DNAJB1: variants seen among roughly 807,000 people sequenced by gnomAD.
DNAJB1 encodes the protein DnaJ heat shock protein family (Hsp40) member B1, also known as dnaJ homolog subfamily B member 1.
A neutral mutation model predicts 24.0 loss-of-function variants in DNAJB1; 14 were observed. The observed-to-expected ratio is 0.58, with a 90% CI of 0.39 to 0.91. The LOEUF is 0.91. DNAJB1 is among the 40% of genes least tolerant of loss of function. The probability of loss-of-function intolerance (pLI) is 0.00; values close to 1 mark genes in which losing one functional copy is unlikely to be tolerated. For synonymous variants in DNAJB1, 262 were observed against 174.4 expected (o/e 1.50, Z -3.96); for missense variants, 517 against 458.1 (o/e 1.13, Z -1.17).
At chr19:14,522,358 G>A (rs1451826217), upstream of DNAJB1, among the ~76,000 whole-genome samples, 5 of 151,680 alleles carry the variant, frequency 3.3e-5, no homozygotes, top group East Asian at 1.9e-4. Context: ...GGTGGGTCAC[G>A]CCTGTAATCC....
At chr19:14,517,120 A>T in intron 1 of DNAJB1, 74 bp from the exon 2 acceptor site, 1 of 1,488,326 alleles carries the variant, frequency 6.7e-7, no homozygotes, top group Non-Finnish European at 9.0e-7. Context: ...ACAGGGGGAA[A>T]CAGCTTGGAA....
rs552655055 is a variant in DNAJB1 at position 14,557,132 on chromosome 19, T to A, written c.-2165-2814A>T. On this transcript the variant is annotated intron_variant, in intron 1 of 5. Coordinates refer to the DNAJB1 transcript ENST00000679223. ...GTCTAATCTTATTTATTTATTTATT[T>A]ATTTATTTATTTATTTATTTATTTT... Among the ~76,000 whole-genome samples the A allele has an allele frequency of 2.7e-3, 406 of 150,344 alleles. 4 individuals are homozygous for A. Among genetic ancestry groups the A allele is most frequent in the African/African-American group, 9.5e-3 (389 of 41,002 alleles).
At chr19:14,541,178 G>T (rs897380579) in intron 1 of DNAJB1, among the ~76,000 whole-genome samples, 5 of 151,954 alleles carry the variant, frequency 3.3e-5, no homozygotes, top group South Asian at 2.1e-4. Flanking sequence ...CAGTCTCACC[G>T]TGTTGCCCAG....
At chr19:14,535,355 A>C (rs1390218306) in intron 1 of DNAJB1, among the ~76,000 whole-genome samples, 1 of 150,192 alleles carries the variant, frequency 6.7e-6, no homozygotes, top group Non-Finnish European at 1.5e-5. Flanking sequence ...AAAAATAGAA[A>C]AAGTTAGCTG....
intron 1 of DNAJB1, among the ~76,000 whole-genome samples, chr19:14,542,347 G>GTTCTTTTT (rs2073125774): frequency 2.3e-5 from 1 of 43,282 alleles, no homozygotes; most frequent in Non-Finnish European, 4.4e-5. Flanking sequence ...ATGCCATAGT[G>GTTCTTTTT]TTTTTTTTTT....
At chr19:14,543,196 ACAC>A (rs2073160478) in intron 1 of DNAJB1, among the ~76,000 whole-genome samples, 1 of 148,086 alleles carries the variant, frequency 6.8e-6, no homozygotes, top group African/African-American at 2.5e-5. Context: ...GTTTCCCCAG[ACAC>A]CTCAAGTGTC....
At chr19:14,519,522 C>T (rs543161715), upstream of DNAJB1, among the ~76,000 whole-genome samples, 1 of 152,316 alleles carries the variant, frequency 6.6e-6, no homozygotes, top group South Asian at 2.1e-4. Flanking sequence ...GCGCATCTCC[C>T]AAGGTCCTCC....
chr19:14,537,164 G>A (rs1011361838), intron 1 of DNAJB1, among the ~76,000 whole-genome samples: 1 of 137,662 alleles, frequency 7.3e-6, no homozygotes, highest in Non-Finnish European at 1.6e-5. Context: ...GAAAGAAGAG[G>A]CGGGGCCGGG....
At position 14,518,361 on chromosome 19, in the gene DNAJB1, GCGGCCCGC is replaced by G; in HGVS notation, c.-20_-13del. ...TAGTCTTTACCCATGACCCCCTCCT[GCGGCCCGC>G]CGACCCGCTGTCGCCGTCCCCCGGC... On this transcript the variant is annotated 5_prime_UTR_variant, in exon 1 of 3. Coordinates refer to ENST00000254322, the MANE Select transcript of DNAJB1 (RefSeq NM_006145.3). 1 of 1,540,992 alleles carries G rather than the reference GCGGCCCGC, an allele frequency of 6.5e-7. No homozygotes were observed. The highest frequency in any genetic ancestry group is 2.3e-5 in the East Asian group (1 of 42,776).
At chr19:14,522,730 A>ACT (rs1568383693), upstream of DNAJB1, among the ~76,000 whole-genome samples, 65 of 141,732 alleles carry the variant, frequency 4.6e-4, 1 homozygote, top group Admixed American at 1.2e-3. Context: ...ACACACACAC[A>ACT]CTCCTACTGG....
upstream of DNAJB1, among the ~76,000 whole-genome samples, chr19:14,518,571 C>CG (rs1355903000): frequency 6.6e-6 from 1 of 151,892 alleles, no homozygotes; most frequent in African/African-American, 2.4e-5. Context: ...GCCGCCCGCG[C>CG]GGGGCCACGC....
At chr19:14,554,114 A>G (rs1364227089), upstream of DNAJB1, among the ~76,000 whole-genome samples, 3 of 152,144 alleles carry the variant, frequency 2.0e-5, no homozygotes, top group Non-Finnish European at 2.9e-5. Context: ...CTGGCTTTCA[A>G]CATGCACGCG....
At chr19:14,542,347 G>GTTTTTTTTTTT (rs71166754) in intron 1 of DNAJB1, among the ~76,000 whole-genome samples, 1,275 of 43,296 alleles carry the variant, frequency 0.029, 282 homozygotes, top group Non-Finnish European at 0.044. Flanking sequence ...ATGCCATAGT[G>GTTTTTTTTTTT]TTTTTTTTTT....
chr19:14,541,184 C>T (rs556867833), intron 1 of DNAJB1, among the ~76,000 whole-genome samples: 3 of 152,220 alleles, frequency 2.0e-5, no homozygotes, highest in Non-Finnish European at 4.4e-5. Context: ...CACCGTGTTG[C>T]CCAGGCTGGT....
At chr19:14,555,483 T>C (rs945462895) in intron 1 of DNAJB1, among the ~76,000 whole-genome samples, 1 of 147,640 alleles carries the variant, frequency 6.8e-6, no homozygotes, top group Non-Finnish European at 1.5e-5. Flanking sequence ...CCTCACTCTA[T>C]TGCCCAGGCT....
upstream of DNAJB1, among the ~76,000 whole-genome samples, chr19:14,534,468 C>T (rs1362774950): frequency 2.7e-5 from 3 of 110,764 alleles, no homozygotes; most frequent in East Asian, 8.5e-4. Flanking sequence ...CAGAGTCTCG[C>T]TCTGTCACCC....
At chr19:14,517,117 G>C in intron 1 of DNAJB1, 71 bp from the exon 2 acceptor site, 1 of 1,496,796 alleles carries the variant, frequency 6.7e-7, no homozygotes, top group Non-Finnish European at 9.0e-7. Flanking sequence ...CTTACAGGGG[G>C]AAACAGCTTG....
chr19:14,520,845 T>C (rs1158897773), upstream of DNAJB1, among the ~76,000 whole-genome samples: 7 of 151,796 alleles, frequency 4.6e-5, no homozygotes, highest in Admixed American at 4.6e-4. Context: ...TAAAAAAAAT[T>C]AGCCGGGTGC....
Position 14,516,050 on chromosome 19 carries a change from G to A in DNAJB1, c.913C>T (p.Pro305Ser), listed in dbSNP as rs370674842. ...RKVPGEGLPL[P>S]KTPEKRGDLI... is the part of the protein sequence containing the mutation. The stretch of plus-strand genomic sequence containing the variant: ...TCCCCACGTTTCTCGGGTGTTTTGG[G>A]GAGGGGGAGGCCTTCTCCAGGAACT... Residue 305 changes from proline to serine, a missense_variant, in exon 3 of 3, where the codon CCC (proline) becomes TCC (serine). Transcript: ENST00000254322. 7.4e-6 allele frequency: 12 copies of A among 1,613,242 alleles called. No individual in the cohort carries two copies. Among genetic ancestry groups the A allele is most frequent in the Admixed American group, 5.0e-5 (3 of 59,712 alleles).
Sources: gnomAD v4.1 joint callset for allele counts (sites outside exome capture counted in the v4.1 genomes callset) on GRCh38, gnomAD v4.1.1 for gene constraint, MANE v1.5 for transcripts, NCBI Gene and HGNC (gene_info 2026-07-23, HGNC 2026-07-21) for gene names.